Variants in EYS observed in about 807,000 individuals in gnomAD.
The protein encoded by EYS is EGF-like photoreceptor maintenance factor.
A neutral mutation model predicts 282.1 loss-of-function variants in EYS; 250 were observed. That is an observed-to-expected ratio of 0.89 (90% confidence interval 0.80 to 0.98). The LOEUF (loss-of-function observed/expected upper bound fraction) is 0.98. Ranked by LOEUF, EYS falls within the 50% of genes least tolerant of loss-of-function variation. EYS has a pLI of 0.00. For missense variants in EYS, 4,016 were observed against 3,709.0 expected (o/e 1.08, Z -2.15); for synonymous variants, 1,355 against 1,282.9 (o/e 1.06, Z -1.20).
In EYS at chr6:64,662,823, C is replaced by T. The variant is rs139105120; in HGVS notation, c.3444-36578G>A. ...GGTTAAGTAATTTCCCAAGATCACG[C>T]AGTTAGCAAATAATGGATTTAGATT... is the stretch of plus-strand genomic sequence containing the variant. On this transcript the variant is annotated intron_variant, in intron 22 of 42. Coordinates refer to ENST00000503581, the MANE Select transcript of EYS (RefSeq NM_001142800.2). Among the ~76,000 whole-genome samples the T allele has an allele frequency of 8.6e-3, 1,303 of 152,194 alleles. 17 individuals are homozygous for T. Among genetic ancestry groups the T allele is most frequent in the South Asian group, 0.024 (114 of 4,824 alleles).
chr6:63,753,144 A>ATATATATATATATATATATGTG (rs1321776672), intron 41 of EYS, among the ~76,000 whole-genome samples: 1 of 74,462 alleles, frequency 1.3e-5, no homozygotes, highest in African/African-American at 7.2e-5. Context: ...GTGTGTGTAT[A>ATATATATATATATATATATGTG]TATATATATA....
At chr6:64,404,026 G>T (rs1181745130) in intron 28 of EYS, among the ~76,000 whole-genome samples, 1 of 152,058 alleles carries the variant, frequency 6.6e-6, no homozygotes. Flanking sequence ...TGCTGGGGGT[G>T]GTTAGCCTAT....
rs574310178 is a variant in EYS, at chr6:65,633,954, C to G, written c.-333+5824G>C. 1.0e-3 allele frequency among the ~76,000 whole-genome samples: 158 copies of G among 152,278 alleles called. 6 individuals carry two copies. The South Asian group carries it at 0.025, about 24-fold the overall frequency. ...GCCTTTGCCTTGAATGTGTGCTGAC[C>G]CCTGCTAGAGAATATGAAAAGCTAA... On this transcript the variant is annotated intron_variant, in intron 2 of 42. Coordinates refer to ENST00000503581, the MANE Select transcript of EYS (RefSeq NM_001142800.2).
chr6:64,125,560 C>T (rs6908993), intron 31 of EYS, among the ~76,000 whole-genome samples: 2,914 of 151,646 alleles, frequency 0.019, 81 homozygotes, highest in African/African-American at 0.066. Context: ...CTGAGGCGGG[C>T]GGATCGTGAG....
intron 1 of EYS, among the ~76,000 whole-genome samples, chr6:65,658,027 T>C (rs1767887010): frequency 1.3e-5 from 2 of 151,828 alleles, no homozygotes; most frequent in African/African-American, 4.8e-5. Flanking sequence ...TAATTTAAGA[T>C]ATGCACATTG....
intron 33 of EYS, among the ~76,000 whole-genome samples, chr6:64,059,811 G>A (rs985861485): frequency 1.3e-5 from 2 of 152,100 alleles, no homozygotes; most frequent in African/African-American, 4.8e-5. Context: ...GTACAGACAG[G>A]CTATGCATGG....
chr6:65,089,138 G>T (rs1774474690), intron 12 of EYS, among the ~76,000 whole-genome samples: 1 of 152,154 alleles, frequency 6.6e-6, no homozygotes, highest in Admixed American at 6.5e-5. Context: ...GGAAATGTGG[G>T]ATTGGAACCC....
At chr6:64,362,604 T>C (rs1772054469) in intron 29 of EYS, among the ~76,000 whole-genome samples, 1 of 151,806 alleles carries the variant, frequency 6.6e-6, no homozygotes, top group Non-Finnish European at 1.5e-5. Flanking sequence ...TAGTTTATAT[T>C]CAACAAATTA....
intron 19 of EYS, among the ~76,000 whole-genome samples, chr6:64,883,910 T>C (rs1028253626): frequency 2.0e-5 from 3 of 151,590 alleles, no homozygotes; most frequent in African/African-American, 7.2e-5. Flanking sequence ...TGGCTTTAAA[T>C]AGTCAACTTT....
At chr6:64,965,652 T>C (rs1157607511) in intron 14 of EYS, among the ~76,000 whole-genome samples, 2 of 152,102 alleles carry the variant, frequency 1.3e-5, no homozygotes, top group East Asian at 3.9e-4. Flanking sequence ...CCCTAACTTT[T>C]TTCATTTATT....
chr6:65,198,025 C>G (rs1765810993), intron 12 of EYS, among the ~76,000 whole-genome samples: 1 of 152,036 alleles, frequency 6.6e-6, no homozygotes, highest in Non-Finnish European at 1.5e-5. Context: ...TTTGTAATGT[C>G]AGCTTAAAAC....
At chr6:65,137,947 A>G (rs1776070126) in intron 12 of EYS, among the ~76,000 whole-genome samples, 1 of 152,084 alleles carries the variant, frequency 6.6e-6, no homozygotes, top group Admixed American at 6.6e-5. Flanking sequence ...ATAATATCAC[A>G]CCTTGGGCAG....
intron 27 of EYS, among the ~76,000 whole-genome samples, chr6:64,437,865 T>G (rs1427271029): frequency 6.6e-6 from 1 of 151,278 alleles, no homozygotes; most frequent in East Asian, 1.9e-4. Flanking sequence ...AATTTGCCTA[T>G]TTAAATAATA....
chr6:64,066,178 T>C (rs1771360912), intron 33 of EYS, among the ~76,000 whole-genome samples, 160 bp downstream of exon 33: 1 of 152,082 alleles, frequency 6.6e-6, no homozygotes, highest in African/African-American at 2.4e-5. Context: ...TTGGGGAGGT[T>C]GAGGCAGGAG....
intron 12 of EYS, among the ~76,000 whole-genome samples, chr6:65,141,498 A>T (rs979368193): frequency 8.7e-6 from 1 of 114,922 alleles, no homozygotes; most frequent in Admixed American, 9.2e-5. Context: ...ATAATAATAA[A>T]AAAAAAACAA....
chr6:65,328,051 A>G (rs1002401264), intron 11 of EYS, among the ~76,000 whole-genome samples: 3 of 151,480 alleles, frequency 2.0e-5, no homozygotes, highest in African/African-American at 7.2e-5. Context: ...TTAGATATTC[A>G]TATATAGGTT....
chr6:64,855,146 AT>A (rs1275973028), intron 19 of EYS, among the ~76,000 whole-genome samples: 3 of 151,498 alleles, frequency 2.0e-5, no homozygotes, highest in African/African-American at 7.3e-5. Flanking sequence ...TCTCTCCCCC[AT>A]CCCCCACCGC....
At chr6:65,126,086 A>C (rs1775710190) in intron 12 of EYS, among the ~76,000 whole-genome samples, 1 of 152,138 alleles carries the variant, frequency 6.6e-6, no homozygotes, top group Non-Finnish European at 1.5e-5. Context: ...TGAGACACCA[A>C]CAAGTCAGGG....
intron 26 of EYS, among the ~76,000 whole-genome samples, chr6:64,448,121 G>A (rs866223788): frequency 3.9e-5 from 6 of 152,224 alleles, no homozygotes; most frequent in African/African-American, 1.4e-4. Context: ...AGAAAGGGGT[G>A]ACAGATGGCA....
Sources: allele counts gnomAD v4.1 joint callset (sites outside exome capture counted in the v4.1 genomes callset), GRCh38; gene constraint gnomAD v4.1.1; transcripts MANE v1.5; gene names NCBI Gene and HGNC (gene_info 2026-07-23, HGNC 2026-07-21).